Variants in EMC8 observed in about 807,000 individuals in gnomAD.
EMC8 encodes the protein COX4 neighbor.
A neutral mutation model predicts 24.3 loss-of-function variants in EMC8; 11 were observed. That is an observed-to-expected ratio of 0.45 (90% CI 0.28 to 0.75). EMC8 has a LOEUF of 0.75. EMC8 is among the 30% of genes least tolerant of loss of function. The pLI is 0.12. For missense variants in EMC8, 277 were observed against 282.7 expected, an observed-to-expected ratio of 0.98 and a Z score of 0.14; for synonymous variants, 145 against 117.7, an observed-to-expected ratio of 1.23 and a Z score of -1.50.
rs532595549 is a variant in EMC8 at position 85,789,872 on chromosome 16, G to T, written c.232-822C>A. 2.0e-5 allele frequency among the ~76,000 whole-genome samples: 3 copies of T among 152,156 alleles called. No individual in the cohort carries two copies. In the East Asian group the frequency reaches 5.8e-4, roughly 29 times the overall value. On this transcript the variant is annotated intron_variant, in intron 1 of 4. Coordinates refer to ENST00000253457, the MANE Select transcript of EMC8 (RefSeq NM_006067.5). The stretch of plus-strand genomic sequence containing the variant: ...CCGCATCATGAAATACCCCTCAGTT[G>T]GGGTGTAGGGTAAAGAGGTCCCAAG...
chr16:85,789,590 G>A (rs1567830821), intron 1 of EMC8, among the ~76,000 whole-genome samples: 2 of 151,742 alleles, frequency 1.3e-5, no homozygotes, highest in Non-Finnish European at 2.9e-5. Context: ...TCAAGAGTTC[G>A]AGACAAGCCT....
intron 1 of EMC8, among the ~76,000 whole-genome samples, chr16:85,797,731 G>T (rs1027764482): frequency 1.3e-5 from 2 of 152,172 alleles, no homozygotes; most frequent in Non-Finnish European, 2.9e-5. Flanking sequence ...TTACTTGGTG[G>T]AGGAGGGACA....
chr16:85,784,182 T>G (rs57666176), intron 2 of EMC8, among the ~76,000 whole-genome samples: 7,328 of 152,136 alleles, frequency 0.048, 552 homozygotes, highest in African/African-American at 0.17. Flanking sequence ...GTATTTTTAG[T>G]AGAGATGGGG....
chr16:85,784,556 G>C (rs1012691078), intron 2 of EMC8: 1 of 152,146 alleles, frequency 6.6e-6, no homozygotes. Flanking sequence ...TGACTTAAGA[G>C]GGAAGGGGAG....
intron 1 of EMC8, among the ~76,000 whole-genome samples, chr16:85,795,344 T>C (rs936087133): frequency 9.2e-5 from 14 of 152,168 alleles, no homozygotes; most frequent in Non-Finnish European, 2.1e-4. Context: ...ACTCAACCCA[T>C]AAAAGCCAGA....
intron 1 of EMC8, among the ~76,000 whole-genome samples, chr16:85,794,815 G>T (rs538791312): frequency 3.3e-5 from 5 of 152,328 alleles, no homozygotes; most frequent in African/African-American, 1.2e-4. Flanking sequence ...GTGGTGGGGG[G>T]AGGTGCTGGA....
At chr16:85,794,073 G>A (rs751233223) in intron 1 of EMC8, among the ~76,000 whole-genome samples, 18 of 152,214 alleles carry the variant, frequency 1.2e-4, no homozygotes, top group Admixed American at 2.0e-4. Context: ...TCTCTGAATG[G>A]AACAGAGCCA....
Position 85,780,416 on chromosome 16 carries a change from G to A in EMC8, c.436C>T (p.His146Tyr), listed in dbSNP as rs1201631857. ...CTGCACCGCCATCTGTTCTCATGGT[G>A]CTCGTACACGTGGATCGTAGGCGCT... Reference protein sequence around the residue: ...CVAPTIHVYEHHENRWRCRDP... With the variant: ...CVAPTIHVYEYHENRWRCRDP... The change falls in exon 4 of 5, where the codon CAC (histidine) becomes TAC (tyrosine). Residue 146 changes from histidine (H) to tyrosine (Y), a missense_variant. By Grantham distance (83) the His-to-Tyr change is moderately conservative. Transcript: ENST00000253457. 6.2e-7 allele frequency: 1 copy of A among 1,614,102 alleles called. No individual in the cohort carries two copies. Among genetic ancestry groups the A allele is most frequent in the Non-Finnish European group, 8.5e-7 (1 of 1,180,028 alleles).
chr16:85,789,779 T>C (rs8052456), intron 1 of EMC8, among the ~76,000 whole-genome samples: 1 of 147,182 alleles, frequency 6.8e-6, no homozygotes, highest in African/African-American at 2.5e-5. Flanking sequence ...GTGACAAGAG[T>C]GAAACTCCGT....
At chr16:85,787,159 C>T (rs550700628) in intron 2 of EMC8, among the ~76,000 whole-genome samples, 6 of 152,270 alleles carry the variant, frequency 3.9e-5, no homozygotes, top group East Asian at 1.9e-4. Context: ...AGCCTCACTT[C>T]CTAGCATCTC....
chr16:85,779,249 C>A lies in EMC8; in HGVS notation c.*459G>T, dbSNP rs533610331. On this transcript the variant is annotated 3_prime_UTR_variant, in exon 5 of 5. Transcript: ENST00000253457. ...CAGCACCAGCACTCCACGTGTCTAC[C>A]CTGATCCCAGGACGCCTGGACGACA... 1.8e-4 allele frequency: 30 copies of A among 165,666 alleles called. No homozygotes were observed. The East Asian group carries it at 5.1e-3, about 28-fold the overall frequency. The allele number at this position is 165,666 out of a possible 1,614,324, so 10.3% of individuals were successfully genotyped here. A position where few individuals can be genotyped will look rare whatever the true frequency, so the allele number is the denominator to read the frequency against.
intron 1 of EMC8, 81 bp downstream of exon 1, chr16:85,798,984 G>C: frequency 9.6e-7 from 1 of 1,047,054 alleles, no homozygotes; most frequent in Admixed American, 2.4e-5. Flanking sequence ...GCTGGAGGGC[G>C]ACCGCTGGGC....
chr16:85,781,827 G>A (rs909757438), intron 2 of EMC8: 5 of 153,050 alleles, frequency 3.3e-5, no homozygotes, highest in African/African-American at 9.7e-5. Flanking sequence ...AGCACATCTG[G>A]AGTGCAATGG....
chr16:85,786,830 A>G (rs1242213050), intron 2 of EMC8, among the ~76,000 whole-genome samples: 1 of 152,216 alleles, frequency 6.6e-6, no homozygotes, highest in East Asian at 1.9e-4. Flanking sequence ...AGAGGTAAGA[A>G]CATGAGAGCT....
chr16:85,783,261 C>G (rs1191444922), intron 2 of EMC8, among the ~76,000 whole-genome samples: 1 of 151,690 alleles, frequency 6.6e-6, no homozygotes, highest in Non-Finnish European at 1.5e-5. Flanking sequence ...TGAGATCATG[C>G]CACTGTACTC....
In EMC8 at chr16:85,779,690, A is replaced by G. The variant is rs368341591; in HGVS notation, c.*18T>C. 3.1e-6 allele frequency: 5 copies of G among 1,612,136 alleles called. No homozygotes were observed. Among genetic ancestry groups the G allele is most frequent in the East Asian group, 4.5e-5 (2 of 44,852 alleles). On this transcript the variant is annotated 3_prime_UTR_variant, in exon 5 of 5. Coordinates refer to ENST00000253457, the MANE Select transcript of EMC8 (RefSeq NM_006067.5). ...AACGTAGTGGAAAGGCCCGGAGCCC[A>G]GTCACAGCGGTGCCTGCCTAGCACA...
chr16:85,795,628 C>T (rs80261914), intron 1 of EMC8, among the ~76,000 whole-genome samples: 9,352 of 152,210 alleles, frequency 0.061, 438 homozygotes, highest in East Asian at 0.27. Context: ...CCCAAGAGGA[C>T]GGGGAGCTTC....
rs1159685510 is a variant in EMC8 at position 85,799,290 on chromosome 16, G to C, written c.6C>G (p.Pro2=). The C allele has an allele frequency of 6.2e-7, 1 of 1,600,748 alleles. No homozygotes were observed. The highest frequency in any genetic ancestry group is 1.3e-5 in the African/African-American group (1 of 74,582). The change falls in exon 1 of 5, where the codon CCC becomes CCG. Residue 2 remains proline, a synonymous_variant. Transcript: ENST00000253457. The surrounding 1 kb of genome is among the most constrained non-coding windows in gnomAD (Gnocchi z 4.2). Reference sequence around the variant, plus strand: ...AGGCCTGGGTGGTCAGTTTCACCCCGGGCATGCTGACCCGGGAGGGCCCCG... The same window carrying C: ...AGGCCTGGGTGGTCAGTTTCACCCCCGGCATGCTGACCCGGGAGGGCCCCG... M[P]GVKLTTQAYC...
intron 2 of EMC8, among the ~76,000 whole-genome samples, chr16:85,786,634 G>A (rs1202957899): frequency 6.6e-6 from 1 of 152,152 alleles, no homozygotes; most frequent in Non-Finnish European, 1.5e-5. Flanking sequence ...CTACACATCT[G>A]ACAAATGGCT....
Sources: allele counts gnomAD v4.1 joint callset (sites outside exome capture counted in the v4.1 genomes callset), GRCh38; gene constraint gnomAD v4.1.1; non-coding constraint Gnocchi (gnomAD v3.1); transcripts MANE v1.5; gene names NCBI Gene and HGNC (gene_info 2026-07-23, HGNC 2026-07-21).